UGGT1: variants seen among roughly 807,000 people sequenced by gnomAD.
The protein encoded by UGGT1 is UDP-glucose glycoprotein glucosyltransferase 1.
UGGT1 carries 107 observed loss-of-function variants against 203.9 expected under a neutral mutation model. The ratio of observed to expected loss-of-function variants is 0.52; its 90% CI spans 0.45 to 0.62. The LOEUF is 0.62. UGGT1 is among the 20% of genes least tolerant of loss of function. The probability of loss-of-function intolerance (pLI) is 0.00; values close to 1 mark genes in which losing one functional copy is unlikely to be tolerated. For synonymous variants in UGGT1, 628 were observed against 653.5 expected (o/e 0.96, Z 0.59); for missense variants, 1,673 against 1,867.2 (o/e 0.90, Z 1.92).
intron 38 of UGGT1, among the ~76,000 whole-genome samples, chr2:128,185,476 T>TTC (rs1691929774): frequency 1.4e-5 from 2 of 146,790 alleles, no homozygotes; most frequent in Admixed American, 6.8e-5. Context: ...GGCCTTTTTT[T>TTC]TTTTTTTTTT....
chr2:128,153,051 T>C, intron 19 of UGGT1, 147 bp downstream of exon 19: 1 of 1,149,138 alleles, frequency 8.7e-7, no homozygotes, highest in Non-Finnish European at 1.2e-6. Flanking sequence ...TGTAAACTCT[T>C]TGCACCTTTA....
chr2:128,105,517 TTTTA>T (rs1222804724), intron 3 of UGGT1, among the ~76,000 whole-genome samples: 1 of 151,146 alleles, frequency 6.6e-6, no homozygotes, highest in African/African-American at 2.4e-5. Flanking sequence ...TTTTATTTTA[TTTTA>T]TTTATTTTTT....
At chr2:128,111,311 T>C (rs1687838345) in intron 5 of UGGT1, among the ~76,000 whole-genome samples, 1 of 152,036 alleles carries the variant, frequency 6.6e-6, no homozygotes, top group Non-Finnish European at 1.5e-5. Context: ...GCCCTGTTCA[T>C]GCCACTGCAC....
rs775197446 is a variant in UGGT1, at chr2:128,170,313, G to T, written c.2947G>T (p.Gly983Trp). The T allele has an allele frequency of 1.2e-6, 2 of 1,614,224 alleles. No homozygotes were observed. The highest frequency in any genetic ancestry group is 2.2e-5 in the South Asian group (2 of 91,084). ...HSAIKLRPKE[G>W]ETYFDVVAVV... The stretch of plus-strand genomic sequence containing the variant: ...TGCAATCAAACTGAGGCCGAAGGAA[G>T]GGGAGACATACTTTGATGTTGTGGC... Residue 983 changes from glycine (G) to tryptophan (W), a missense_variant, in exon 27 of 41, where the codon GGG (glycine) becomes TGG (tryptophan). Coordinates refer to ENST00000259253, the MANE Select transcript of UGGT1 (RefSeq NM_020120.4).
chr2:128,136,746 C>T (rs1177989239), intron 15 of UGGT1, among the ~76,000 whole-genome samples: 3 of 152,166 alleles, frequency 2.0e-5, no homozygotes, highest in Admixed American at 6.5e-5. Flanking sequence ...ATTGCTGCAT[C>T]GTGTGTTAAT....
chr2:128,185,767 G>T (rs1428581056), intron 38 of UGGT1, among the ~76,000 whole-genome samples: 1 of 152,130 alleles, frequency 6.6e-6, no homozygotes, highest in Non-Finnish European at 1.5e-5. Flanking sequence ...GCAGGGTTTT[G>T]TAGAGAAGTA....
At chr2:128,126,823 T>C (rs1688630838) in intron 11 of UGGT1, among the ~76,000 whole-genome samples, 2 of 151,264 alleles carry the variant, frequency 1.3e-5, no homozygotes, top group South Asian at 4.2e-4. Flanking sequence ...GCTGGGACTA[T>C]AGGAGTACAC....
chr2:128,094,717 G>A (rs1180896315), intron 1 of UGGT1, among the ~76,000 whole-genome samples: 2 of 144,320 alleles, frequency 1.4e-5, no homozygotes, highest in Non-Finnish European at 3.0e-5. Flanking sequence ...GGGTGTCTAT[G>A]GTTAGTCCTA....
chr2:128,108,112 C>T (rs764404540), intron 4 of UGGT1, 44 bp downstream of exon 4: 4 of 1,603,716 alleles, frequency 2.5e-6, no homozygotes, highest in Non-Finnish European at 2.6e-6. Context: ...GAGTGTATAT[C>T]ATGATGAATG....
chr2:128,110,045 A>T (rs1191493376), intron 5 of UGGT1, among the ~76,000 whole-genome samples: 1 of 152,230 alleles, frequency 6.6e-6, no homozygotes, highest in Admixed American at 6.5e-5. Flanking sequence ...AGATTTTGTC[A>T]TTGGCTTAGT....
At chr2:128,163,853 T>C (rs901843224) in intron 25 of UGGT1, among the ~76,000 whole-genome samples, 1 of 152,138 alleles carries the variant, frequency 6.6e-6, no homozygotes, top group Admixed American at 6.6e-5. Flanking sequence ...GATTATTTTG[T>C]ATCCATAAAT....
chr2:128,172,532 T>G lies in UGGT1; in HGVS notation c.3105-41T>G, dbSNP rs1405358835. The stretch of plus-strand genomic sequence containing the variant: ...AGGGCTGTGCACTCAAGTCCTGTTG[T>G]CACATCGAAAATTATCTAACACTTT... On this transcript the variant is annotated intron_variant, in intron 28 of 40. Transcript: ENST00000259253. The G allele has an allele frequency of 4.4e-6, 7 of 1,605,478 alleles. No individual in the cohort carries two copies. In the South Asian group the frequency reaches 7.8e-5, roughly 18 times the overall value.
chr2:128,126,573 G>C (rs1688609824), intron 11 of UGGT1, among the ~76,000 whole-genome samples: 1 of 151,814 alleles, frequency 6.6e-6, no homozygotes, highest in Non-Finnish European at 1.5e-5. Context: ...AAAGAGGGAA[G>C]CACACAAATT....
Position 128,194,292 on chromosome 2 carries a change from C to T in UGGT1, c.*4550C>T, listed in dbSNP as rs532114174. ...TTTTTTTTTTTTTGAGACAGAATCT[C>T]GCTCTGTTGCTCAGGCTGGAGTGGA... On this transcript the variant is annotated 3_prime_UTR_variant, in exon 41 of 41. Coordinates refer to ENST00000259253, the MANE Select transcript of UGGT1 (RefSeq NM_020120.4). The T allele has an allele frequency of 1.7e-4, 25 of 149,278 alleles. No homozygotes were observed. The highest frequency in any genetic ancestry group is 6.2e-4 in the African/African-American group (25 of 40,352). The allele number at this position is 149,278 out of a possible 1,614,324, so 9.2% of individuals were successfully genotyped here.
In UGGT1 at chr2:128,119,753, C is replaced by A. The variant is rs182673280; in HGVS notation, c.873-603C>A. On this transcript the variant is annotated intron_variant, in intron 8 of 40. Transcript: ENST00000259253. ...AGAAAAATTTATTCCCACATACTTA[C>A]AACCCAGAATAGATTGCTGTTGTCA... 1.1e-4 allele frequency among the ~76,000 whole-genome samples: 16 copies of A among 147,748 alleles called. No homozygotes were observed. The East Asian group carries it at 3.1e-3, about 29-fold the overall frequency.
intron 16 of UGGT1, chr2:128,139,975 C>A: frequency 6.5e-6 from 1 of 153,770 alleles, no homozygotes; most frequent in South Asian, 1.8e-4. Flanking sequence ...TTGATGAGGT[C>A]CAGGTGCAGC....
intron 11 of UGGT1, among the ~76,000 whole-genome samples, 172 bp downstream of exon 11, chr2:128,123,418 C>T (rs1053490281): frequency 6.6e-6 from 1 of 152,138 alleles, no homozygotes; most frequent in African/African-American, 2.4e-5. Context: ...TCAGTATGCA[C>T]ATAACTGAAA....
chr2:128,092,474 C>T (rs998839186), intron 1 of UGGT1, among the ~76,000 whole-genome samples: 5 of 151,614 alleles, frequency 3.3e-5, no homozygotes, highest in African/African-American at 1.2e-4. Context: ...CATTGAACTT[C>T]AGGGGAATAT....
In UGGT1 at chr2:128,182,355, A is replaced by G. The variant is rs1691735569; in HGVS notation, c.4244+65A>G. On this transcript the variant is annotated intron_variant, in intron 37 of 40. Coordinates refer to ENST00000259253, the MANE Select transcript of UGGT1 (RefSeq NM_020120.4). ...TCCTTAAAATTGATTTTGTGTGGTTAAAATTGTGAATAGGTAATACATTGG... is the reference window on the plus strand; with the variant it reads ...TCCTTAAAATTGATTTTGTGTGGTTGAAATTGTGAATAGGTAATACATTGG... The G allele has an allele frequency of 1.1e-5, 17 of 1,531,562 alleles. No individual in the cohort carries two copies. In the South Asian group the frequency reaches 2.0e-4, roughly 18 times the overall value. The allele number at this position is 1,531,562 out of a possible 1,614,324, so 94.9% of individuals were successfully genotyped here. A position where few individuals can be genotyped will look rare whatever the true frequency, so the allele number is the denominator to read the frequency against.
Sources: allele counts gnomAD v4.1 joint callset (sites outside exome capture counted in the v4.1 genomes callset), GRCh38; gene constraint gnomAD v4.1.1; transcripts MANE v1.5; gene names NCBI Gene and HGNC (gene_info 2026-07-23, HGNC 2026-07-21).